Variants in SVEP1 observed in about 807,000 individuals in gnomAD.
SVEP1 encodes the protein sushi, von Willebrand factor type A, EGF and pentraxin domain containing 1, also known as sushi, von Willebrand factor type A, EGF and pentraxin domain-containing protein 1.
SVEP1 carries 164 observed loss-of-function variants against 367.3 expected under a neutral mutation model. The ratio of observed to expected loss-of-function variants is 0.45; its 90% confidence interval spans 0.39 to 0.51. The LOEUF is 0.51. Among genes scored for constraint, SVEP1 ranks in the 20% least tolerant of loss-of-function variants. SVEP1 has a pLI of 0.00. For synonymous variants in SVEP1, 1,666 were observed against 1,611.6 expected, an observed-to-expected ratio of 1.03 and a Z score of -0.81; for missense variants, 4,117 against 4,425.3, an observed-to-expected ratio of 0.93 and a Z score of 1.98.
intron 22 of SVEP1, among the ~76,000 whole-genome samples, chr9:110,454,313 G>A (rs1443701484): frequency 6.6e-6 from 1 of 152,116 alleles, no homozygotes; most frequent in Non-Finnish European, 1.5e-5. Flanking sequence ...GTATTCCCTA[G>A]GTTTTCTTCT....
At chr9:110,430,738 G>A (rs1386078088) in intron 32 of SVEP1, among the ~76,000 whole-genome samples, 1 of 152,244 alleles carries the variant, frequency 6.6e-6, no homozygotes, top group Non-Finnish European at 1.5e-5. Flanking sequence ...GGTGGTGCTA[G>A]AGAGTGGCTT....
At chr9:110,557,945 G>A (rs564935559) in intron 1 of SVEP1, among the ~76,000 whole-genome samples, 8 of 152,136 alleles carry the variant, frequency 5.3e-5, no homozygotes, top group African/African-American at 9.6e-5. Context: ...GCCACATATG[G>A]CTATTGAGCA....
At chr9:110,524,245 C>A (rs1829913679) in intron 3 of SVEP1, among the ~76,000 whole-genome samples, 1 of 152,014 alleles carries the variant, frequency 6.6e-6, no homozygotes, top group African/African-American at 2.4e-5. Context: ...AAAAAATAAG[C>A]ACCACTTCTA....
At chr9:110,430,163 A>G (rs1429420497) in intron 33 of SVEP1, 111 bp downstream of exon 33, 1 of 1,222,904 alleles carries the variant, frequency 8.2e-7, no homozygotes, top group East Asian at 2.5e-5. Flanking sequence ...TGAGCCTAAT[A>G]CCTCAGTTCA....
intron 44 of SVEP1, among the ~76,000 whole-genome samples, chr9:110,378,824 A>G (rs981533676): frequency 3.3e-5 from 5 of 151,760 alleles, no homozygotes; most frequent in African/African-American, 1.2e-4. Flanking sequence ...TGACGAGTTA[A>G]TGGGTGCAGC....
chr9:110,432,109 A>G lies in SVEP1; in HGVS notation c.5234-75T>C. 1.4e-6 allele frequency: 2 copies of G among 1,471,242 alleles called. 1 individual carries two copies. The highest frequency in any genetic ancestry group is 4.7e-5 in the Admixed American group (2 of 42,206). The allele number at this position is 1,471,242 out of a possible 1,614,324, so 91.1% of individuals were successfully genotyped here. The stretch of plus-strand genomic sequence containing the variant: ...GTATCAAACATCTGTTTTTACTTTT[A>G]AATCATTACATATCACGTAATGCAC... On this transcript the variant is annotated intron_variant, in intron 31 of 47. Transcript: ENST00000374469.
At chr9:110,569,522 C>G (rs1006406129) in intron 1 of SVEP1, among the ~76,000 whole-genome samples, 1 of 151,200 alleles carries the variant, frequency 6.6e-6, no homozygotes, top group Non-Finnish European at 1.5e-5. Flanking sequence ...AAGAGTTCAT[C>G]AAACTCATGT....
chr9:110,577,433 T>C (rs1346350422), intron 1 of SVEP1, among the ~76,000 whole-genome samples: 1 of 152,142 alleles, frequency 6.6e-6, no homozygotes, highest in Non-Finnish European at 1.5e-5. Context: ...TGGTTAACTA[T>C]TTATTTTTTA....
intron 22 of SVEP1, among the ~76,000 whole-genome samples, chr9:110,451,691 CTTAT>C (rs780378115): frequency 4.6e-5 from 7 of 151,862 alleles, no homozygotes; most frequent in Non-Finnish European, 7.4e-5. Flanking sequence ...ATTTTTTCTC[CTTAT>C]TTGTTTGCTA....
intron 3 of SVEP1, among the ~76,000 whole-genome samples, chr9:110,521,070 C>A (rs1246394999): frequency 6.6e-6 from 1 of 152,186 alleles, no homozygotes; most frequent in Non-Finnish European, 1.5e-5. Flanking sequence ...AAGAGTTGTG[C>A]TAAGATTTTG....
At chr9:110,404,679 A>G (rs1827928174) in intron 38 of SVEP1, 127 bp from the exon 39 acceptor site, 1 of 852,144 alleles carries the variant, frequency 1.2e-6, no homozygotes. Flanking sequence ...TTGTTGCACA[A>G]TCAATATGTC....
At chr9:110,416,705 C>G (rs1205185062) in intron 36 of SVEP1, among the ~76,000 whole-genome samples, 3 of 151,976 alleles carry the variant, frequency 2.0e-5, no homozygotes, top group Admixed American at 2.0e-4. Context: ...ACACCATAGT[C>G]ATCTCATAGC....
At chr9:110,449,222 C>G (rs1276839599) in intron 24 of SVEP1, among the ~76,000 whole-genome samples, 1 of 152,066 alleles carries the variant, frequency 6.6e-6, no homozygotes, top group Non-Finnish European at 1.5e-5. Flanking sequence ...AGAGCTGCCT[C>G]AGGGAGACAT....
intron 9 of SVEP1, among the ~76,000 whole-genome samples, chr9:110,485,623 A>T (rs1369770890): frequency 6.6e-6 from 1 of 152,198 alleles, no homozygotes. Context: ...ATAGAAAGTA[A>T]CTTTAATTTA....
Position 110,579,701 on chromosome 9 carries a change from C to A in SVEP1, c.-158G>T. 1 of 854,196 alleles carries A rather than the reference C, an allele frequency of 1.2e-6. No homozygotes were observed. Among genetic ancestry groups the A allele is most frequent in the Non-Finnish European group, 1.7e-6 (1 of 596,184 alleles). The allele number at this position is 854,196 out of a possible 1,614,324, so 52.9% of individuals were successfully genotyped here. A position where few individuals can be genotyped will look rare whatever the true frequency, so the allele number is the denominator to read the frequency against. On this transcript the variant is annotated 5_prime_UTR_variant, in exon 1 of 48. Transcript: ENST00000374469. This position sits in a 1 kb window ranked among gnomAD's most constrained non-coding sequence, Gnocchi z 5.3. ...TTTCATCTGACACTGGGGACAGACA[C>A]AATCCAGACTCCTCAGCAGCTCGGG...
At chr9:110,423,133 TAATA>T (rs1251333930) in intron 36 of SVEP1, among the ~76,000 whole-genome samples, 42 of 44,040 alleles carry the variant, frequency 9.5e-4, no homozygotes, top group Non-Finnish European at 1.5e-3. Flanking sequence ...AAAATAATAA[TAATA>T]AAAAAAAAAT....
At chr9:110,502,671 G>A (rs1829552349) in intron 6 of SVEP1, among the ~76,000 whole-genome samples, 1 of 151,794 alleles carries the variant, frequency 6.6e-6, no homozygotes, top group South Asian at 2.1e-4. Flanking sequence ...TCCTAATTTT[G>A]TCCTTCCATT....
At chr9:110,427,392 A>G (rs1828270721) in intron 36 of SVEP1, among the ~76,000 whole-genome samples, 199 bp downstream of exon 36, 1 of 151,850 alleles carries the variant, frequency 6.6e-6, no homozygotes, top group Admixed American at 6.6e-5. Context: ...AATTTGATAT[A>G]CTACTCAAAT....
At chr9:110,509,197 T>C (rs1829672470) in intron 5 of SVEP1, among the ~76,000 whole-genome samples, 1 of 152,230 alleles carries the variant, frequency 6.6e-6, no homozygotes, top group African/African-American at 2.4e-5. Flanking sequence ...TGCAACTGAT[T>C]TTAAGATGCA....
Sources: gnomAD v4.1 joint callset for allele counts (sites outside exome capture counted in the v4.1 genomes callset) on GRCh38, gnomAD v4.1.1 for gene constraint, Gnocchi (gnomAD v3.1) non-coding constraint, MANE v1.5 for transcripts, NCBI Gene and HGNC (gene_info 2026-07-23, HGNC 2026-07-21) for gene names.